SCARB2: variants seen among roughly 807,000 people sequenced by gnomAD.
SCARB2 encodes the protein scavenger receptor class B member 2, also known as lysosome membrane protein 2.
In SCARB2, 29 loss-of-function variants were observed where a neutral mutation model predicts 58.6. The ratio of observed to expected loss-of-function variants is 0.49; its 90% CI spans 0.37 to 0.67. The LOEUF is 0.67. SCARB2 is among the 30% of genes least tolerant of loss of function. SCARB2 has a pLI of 0.00. For synonymous variants in SCARB2, 195 were observed against 210.1 expected (o/e 0.93, Z 0.62); for missense variants, 488 against 578.5 (o/e 0.84, Z 1.60).
intron 7 of SCARB2, chr4:76,173,898 C>A: frequency 2.0e-6 from 1 of 489,068 alleles, no homozygotes; most frequent in East Asian, 3.6e-5. Context: ...TTGAAAGAAA[C>A]TGATCTTTCT....
At chr4:76,184,809 A>T in intron 2 of SCARB2, 1 of 367,980 alleles carries the variant, frequency 2.7e-6, no homozygotes, top group South Asian at 2.2e-5. Flanking sequence ...ATTTTAATTT[A>T]AAAACAAGAA....
chr4:76,227,309 C>G (rs1733415243), intron 1 of SCARB2, among the ~76,000 whole-genome samples: 2 of 152,252 alleles, frequency 1.3e-5, no homozygotes, highest in African/African-American at 4.8e-5. Flanking sequence ...AAAGATCATT[C>G]AGGAGTAGAT....
chr4:76,183,304 G>A (rs1732423060), intron 2 of SCARB2, among the ~76,000 whole-genome samples: 1 of 152,144 alleles, frequency 6.6e-6, no homozygotes, highest in South Asian at 2.1e-4. Flanking sequence ...CATAGCATCA[G>A]ATTCTACAGG....
chr4:76,190,813 C>A (rs1042542571), intron 2 of SCARB2, among the ~76,000 whole-genome samples: 1 of 151,298 alleles, frequency 6.6e-6, no homozygotes, highest in Non-Finnish European at 1.5e-5. Context: ...AACAAACAAA[C>A]AAAAAATCAT....
chr4:76,188,751 C>T (rs768690753), intron 2 of SCARB2, among the ~76,000 whole-genome samples: 49 of 152,280 alleles, frequency 3.2e-4, no homozygotes, highest in Admixed American at 1.5e-3. Flanking sequence ...AGTGAATGAC[C>T]GCAAAAGGCA....
At chr4:76,178,019 G>A (rs4452450) in intron 4 of SCARB2, among the ~76,000 whole-genome samples, 1 of 152,134 alleles carries the variant, frequency 6.6e-6, no homozygotes, top group Non-Finnish European at 1.5e-5. Context: ...AATGGTAAAT[G>A]TTATAGTAAG....
chr4:76,216,826 A>C (rs1031271373), upstream of SCARB2, among the ~76,000 whole-genome samples: 12 of 152,254 alleles, frequency 7.9e-5, no homozygotes, highest in African/African-American at 2.2e-4. Flanking sequence ...ATAAGACAGA[A>C]CAAAAAGGAC....
chr4:76,213,260 CCTT>C, intron 1 of SCARB2, 164 bp downstream of exon 1: 1 of 679,694 alleles, frequency 1.5e-6, no homozygotes, highest in South Asian at 1.6e-5. Flanking sequence ...CCTTCCTCAT[CCTT>C]CTTTAACCCT....
intron 1 of SCARB2, among the ~76,000 whole-genome samples, chr4:76,199,557 G>A (rs982381185): frequency 2.0e-5 from 3 of 151,972 alleles, no homozygotes; most frequent in African/African-American, 7.3e-5. Flanking sequence ...AATATCACAC[G>A]AGACAGACTC....
At chr4:76,178,475 A>G (rs1732307438) in intron 4 of SCARB2, among the ~76,000 whole-genome samples, 2 of 152,206 alleles carry the variant, frequency 1.3e-5, no homozygotes, top group Non-Finnish European at 2.9e-5. Flanking sequence ...TAGCAACAAG[A>G]TCTACTTGGC....
In SCARB2 at chr4:76,213,639, C is replaced by G. The variant is rs1435770799; in HGVS notation, c.-96G>C. The G allele has an allele frequency of 1.1e-6, 1 of 930,202 alleles. No homozygotes were observed. Among genetic ancestry groups the G allele is most frequent in the Non-Finnish European group, 1.7e-6 (1 of 591,816 alleles). The allele number at this position is 930,202 out of a possible 1,614,324, so 57.6% of individuals were successfully genotyped here. On this transcript the variant is annotated 5_prime_UTR_variant, in exon 1 of 12. Transcript: ENST00000264896. ...CCGCAGAGGCGTCGAAGACCCGGGA[C>G]CCTTCGGCGCCACGCCCACGCCCTC... is the stretch of plus-strand genomic sequence containing the variant.
intron 7 of SCARB2, 152 bp from the exon 8 acceptor site, chr4:76,170,137 C>T (rs1732099698): frequency 1.5e-6 from 1 of 666,464 alleles, no homozygotes; most frequent in East Asian, 2.7e-5. Flanking sequence ...CCATCCTTTA[C>T]CTCCTAGTTC....
At chr4:76,193,335 A>C (rs1732644065) in intron 2 of SCARB2, 1 of 152,226 alleles carries the variant, frequency 6.6e-6, no homozygotes. Flanking sequence ...CTCAAGAGAA[A>C]CTCTACTAGG....
At chr4:76,175,055 T>C (rs1732224013) in intron 6 of SCARB2, 1 of 147,820 alleles carries the variant, frequency 6.8e-6, no homozygotes, top group South Asian at 2.1e-4. Flanking sequence ...GAGCTGTTGA[T>C]ACATCTCTCG....
chr4:76,175,725 T>A (rs1407697622), intron 6 of SCARB2, 66 bp downstream of exon 6: 5 of 1,583,396 alleles, frequency 3.2e-6, no homozygotes, highest in Non-Finnish European at 3.5e-6. Flanking sequence ...ATATTCCTCA[T>A]GCTTTTGGTG....
chr4:76,183,370 T>A (rs888858059), intron 2 of SCARB2, among the ~76,000 whole-genome samples: 8 of 152,248 alleles, frequency 5.3e-5, no homozygotes, highest in Non-Finnish European at 1.5e-5. Context: ...GTTTTACCTG[T>A]GCTTCTGAAC....
intron 1 of SCARB2, among the ~76,000 whole-genome samples, chr4:76,203,593 T>C (rs1467583682): frequency 4.6e-5 from 7 of 152,230 alleles, no homozygotes; most frequent in Non-Finnish European, 1.5e-5. Flanking sequence ...TCAACCAGCA[T>C]AAGCTTCCAT....
chr4:76,208,616 G>C (rs1377421125), intron 1 of SCARB2, among the ~76,000 whole-genome samples: 1 of 152,192 alleles, frequency 6.6e-6, no homozygotes, highest in Non-Finnish European at 1.5e-5. Context: ...GGAAAAAGTG[G>C]GAGGCAGAGT....
At chr4:76,213,968 G>C (rs1733142241), upstream of SCARB2, 2 of 174,740 alleles carry the variant, frequency 1.1e-5, no homozygotes, top group South Asian at 2.3e-4. Context: ...TTCGGCCCGC[G>C]CCCTCCCCGG....
Sources: allele counts gnomAD v4.1 joint callset (sites outside exome capture counted in the v4.1 genomes callset), GRCh38; gene constraint gnomAD v4.1.1; transcripts MANE v1.5; gene names NCBI Gene and HGNC (gene_info 2026-07-23, HGNC 2026-07-21).